The following RBM27 variants were observed in gnomAD, a reference collection of about 807,000 sequenced individuals.
RBM27 encodes the protein RNA binding motif protein 27, also known as RNA-binding protein 27.
A neutral mutation model predicts 135.3 loss-of-function variants in RBM27; 22 were observed. The ratio of observed to expected loss-of-function variants is 0.16; its 90% CI spans 0.12 to 0.23. The LOEUF (loss-of-function observed/expected upper bound fraction) is 0.23, where lower values mean the gene tolerates loss of function less well. RBM27 is among the 10% of genes least tolerant of loss of function. The pLI is 1.00. For missense variants in RBM27, 1,009 were observed against 1,281.0 expected (o/e 0.79, Z 3.24); for synonymous variants, 481 against 442.4 (o/e 1.09, Z -1.10).
intron 2 of RBM27, among the ~76,000 whole-genome samples, chr5:146,219,330 G>T (rs1310064961): frequency 6.6e-6 from 1 of 152,070 alleles, no homozygotes; most frequent in East Asian, 1.9e-4. Context: ...CAGCTCTAAT[G>T]CTTTTTAGAT....
At chr5:146,226,958 G>C (rs1321735379) in intron 3 of RBM27, among the ~76,000 whole-genome samples, 1 of 152,180 alleles carries the variant, frequency 6.6e-6, no homozygotes. Context: ...AGTAGGAAAG[G>C]AGTCTGAGGT....
Position 146,210,507 on chromosome 5 carries a change from CA to C in RBM27, c.59+6694del, listed in dbSNP as rs1044789266. On this transcript the variant is annotated intron_variant, in intron 1 of 20. Coordinates refer to ENST00000265271, the MANE Select transcript of RBM27 (RefSeq NM_018989.2). Reference sequence around the variant, plus strand: ...CCCTCAAAATTCATGTTGGACATCTCAAAAAAAAAAATATGTGAAAGGAGCC... The same window carrying C: ...CCCTCAAAATTCATGTTGGACATCTCAAAAAAAAAATATGTGAAAGGAGCC... Among the ~76,000 whole-genome samples the C allele has an allele frequency of 1.0e-3, 152 of 144,774 alleles. 1 individual carries two copies. The South Asian group carries it at 0.017, about 16-fold the overall frequency. 95.0% of individuals were successfully genotyped at this position (144,774 alleles called of 152,430 possible).
chr5:146,261,686 A>G lies in RBM27; in HGVS notation c.2070A>G (p.Gln690=), dbSNP rs777135380. The change falls in exon 13 of 21, where the codon CAA becomes CAG. Residue 690 remains glutamine, a synonymous_variant. Transcript: ENST00000265271. The part of the protein sequence containing the change: ...TLQSSAQLLL[Q]QQQTLSHLSQ... ...AGTCCTCAGCACAGCTGCTCCTGCA[A>G]CAACAGCAAACACTTAGTCACCTCT... The G allele has an allele frequency of 6.2e-7, 1 of 1,614,218 alleles. No individual in the cohort carries two copies. The highest frequency in any genetic ancestry group is 1.1e-5 in the South Asian group (1 of 91,086).
At chr5:146,246,252 A>G (rs1023606942) in intron 8 of RBM27, among the ~76,000 whole-genome samples, 1 of 152,194 alleles carries the variant, frequency 6.6e-6, no homozygotes, top group Non-Finnish European at 1.5e-5. Flanking sequence ...TTTCCTGTGA[A>G]TACTCTTAAA....
Position 146,219,003 on chromosome 5 carries a change from A to G in RBM27, c.78A>G (p.Ser26=). 6.2e-7 allele frequency: 1 copy of G among 1,606,162 alleles called. No homozygotes were observed. ...LLEPICDADP[S]ALANYVVALV... ...TAACTAGATGTGATGCTGATCCTTC[A>G]GCCTTAGCCAACTATGTTGTAGCAC... Residue 26 remains serine, a synonymous_variant, in exon 2 of 21, where the codon TCA becomes TCG. Transcript: ENST00000265271.
At chr5:146,251,626 G>T in intron 8 of RBM27, 85 bp from the exon 9 acceptor site, 6 of 1,306,986 alleles carry the variant, frequency 4.6e-6, no homozygotes, top group African/African-American at 1.5e-5. Flanking sequence ...TCTGTTTTTG[G>T]CTCAAAGTCT....
chr5:146,247,709 C>T (rs1397790865), intron 8 of RBM27, among the ~76,000 whole-genome samples: 1 of 151,932 alleles, frequency 6.6e-6, no homozygotes, highest in Non-Finnish European at 1.5e-5. Context: ...CAATTTTTTT[C>T]TTTTTTTGGC....
At chr5:146,242,543 A>G (rs1445211155) in intron 8 of RBM27, among the ~76,000 whole-genome samples, 1 of 152,224 alleles carries the variant, frequency 6.6e-6, no homozygotes, top group Non-Finnish European at 1.5e-5. Flanking sequence ...AGAGTTCCTG[A>G]TAATCTAAAC....
At position 146,229,897 on chromosome 5, in the gene RBM27, A is replaced by G; in HGVS notation, c.576A>G (p.Pro192=). The G allele has an allele frequency of 6.2e-7, 1 of 1,613,910 alleles. No individual in the cohort carries two copies. Among genetic ancestry groups the G allele is most frequent in the Non-Finnish European group, 8.5e-7 (1 of 1,179,860 alleles). ...RSRGRSKDRD[P]NRNVEHRERS... ...GGGGGCGCAGCAAAGACCGGGATCC[A>G]AATAGGAATGTTGGTGAGTAGATGA... Residue 192 remains proline, a synonymous_variant, in exon 5 of 21, where the codon CCA becomes CCG. Coordinates refer to ENST00000265271, the MANE Select transcript of RBM27 (RefSeq NM_018989.2).
rs142378621 is a variant in RBM27, at chr5:146,251,164, T to C, written c.1280-547T>C. ...TTTCACTATCTTTAATTTTTTTCTT[T>C]GGAGCATTTTTTATTCTTTGCGAAG... On this transcript the variant is annotated intron_variant, in intron 8 of 20. Coordinates refer to ENST00000265271, the MANE Select transcript of RBM27 (RefSeq NM_018989.2). 3.1e-3 allele frequency among the ~76,000 whole-genome samples: 476 copies of C among 152,324 alleles called. 4 individuals carry two copies. The highest frequency in any genetic ancestry group is 0.011 in the African/African-American group (460 of 41,572).
intron 8 of RBM27, among the ~76,000 whole-genome samples, chr5:146,249,710 A>G (rs1198669233): frequency 2.1e-5 from 2 of 94,018 alleles, no homozygotes; most frequent in East Asian, 6.6e-4. Context: ...AAGAAAAAGT[A>G]AAAAAAAAAG....
chr5:146,234,810 G>A (rs1192711506), intron 7 of RBM27, among the ~76,000 whole-genome samples: 2 of 151,974 alleles, frequency 1.3e-5, no homozygotes, highest in Non-Finnish European at 2.9e-5. Flanking sequence ...GAAGTGGGTG[G>A]ATCACTTGAA....
chr5:146,261,098 CT>C (rs1010907126), intron 12 of RBM27, among the ~76,000 whole-genome samples, 200 bp downstream of exon 12: 2 of 152,172 alleles, frequency 1.3e-5, no homozygotes, highest in Non-Finnish European at 2.9e-5. Flanking sequence ...TCATTTGGTT[CT>C]TTTCTGCAAT....
chr5:146,239,472 C>CTTTTTTTT (rs916182587), intron 8 of RBM27, among the ~76,000 whole-genome samples: 16 of 55,360 alleles, frequency 2.9e-4, no homozygotes, highest in Non-Finnish European at 3.5e-4. Context: ...TTTTCCTTTT[C>CTTTTTTTT]TTTTTTTTTT....
intron 13 of RBM27, 91 bp from the exon 14 acceptor site, chr5:146,263,400 C>T (rs1758478398): frequency 1.5e-6 from 2 of 1,303,272 alleles, no homozygotes; most frequent in Non-Finnish European, 1.1e-6. Context: ...ATTTTCTTAT[C>T]TTCTTCCCTA....
At chr5:146,245,865 A>G (rs547907186) in intron 8 of RBM27, among the ~76,000 whole-genome samples, 5 of 152,148 alleles carry the variant, frequency 3.3e-5, no homozygotes, top group Non-Finnish European at 5.9e-5. Flanking sequence ...CACCCCTGCC[A>G]TTTGTGGAAA....
In RBM27 at chr5:146,286,879, GTCA is replaced by G. The variant is rs1283963152; in HGVS notation, c.*854_*856del. ...CCTTTCTATTAATAGGCCTGACTTA[GTCA>G]TCATTGATATAAGTGGTTCATTTGG... is the stretch of plus-strand genomic sequence containing the variant. On this transcript the variant is annotated 3_prime_UTR_variant, in exon 21 of 21. Coordinates refer to ENST00000265271, the MANE Select transcript of RBM27 (RefSeq NM_018989.2). The G allele has an allele frequency of 2.0e-5, 3 of 152,302 alleles. No homozygotes were observed. The highest frequency in any genetic ancestry group is 4.4e-5 in the Non-Finnish European group (3 of 68,014). 9.4% of individuals were successfully genotyped at this position (152,302 alleles called of 1,614,324 possible). A position where few individuals can be genotyped will look rare whatever the true frequency, so the allele number is the denominator to read the frequency against.
intron 19 of RBM27, among the ~76,000 whole-genome samples, chr5:146,283,758 C>G (rs1759466058): frequency 6.6e-6 from 1 of 151,998 alleles, no homozygotes; most frequent in South Asian, 2.1e-4. Flanking sequence ...TGCTATGCTC[C>G]AAGTGTTTTA....
intron 7 of RBM27, 125 bp downstream of exon 7, chr5:146,233,868 TCCCATA>T: frequency 1.6e-6 from 1 of 609,506 alleles, no homozygotes; most frequent in Non-Finnish European, 2.5e-6. Flanking sequence ...TGGAATATAT[TCCCATA>T]ATTAAGATGC....
Sources: gnomAD v4.1 joint callset for allele counts (sites outside exome capture counted in the v4.1 genomes callset) on GRCh38, gnomAD v4.1.1 for gene constraint, MANE v1.5 for transcripts, NCBI Gene and HGNC (gene_info 2026-07-23, HGNC 2026-07-21) for gene names.